COLGALT2: variants seen among roughly 807,000 people sequenced by gnomAD.
The protein encoded by COLGALT2 is collagen beta(1-O)galactosyltransferase 2, also known as procollagen galactosyltransferase 2.
In COLGALT2, 49 loss-of-function variants were observed where a neutral mutation model predicts 73.4. The ratio of observed to expected loss-of-function variants is 0.67; its 90% confidence interval spans 0.53 to 0.85. The LOEUF (loss-of-function observed/expected upper bound fraction) is 0.85. Ranked by LOEUF, COLGALT2 falls within the 40% of genes least tolerant of loss-of-function variation. COLGALT2 has a pLI of 0.00. For synonymous variants in COLGALT2, 295 were observed against 307.6 expected (o/e 0.96, Z 0.43); for missense variants, 722 against 790.2 (o/e 0.91, Z 1.03).
At chr1:183,978,767 T>C (rs1671275706) in intron 1 of COLGALT2, among the ~76,000 whole-genome samples, 1 of 152,188 alleles carries the variant, frequency 6.6e-6, no homozygotes, top group Admixed American at 6.5e-5. Flanking sequence ...GTGTAAATGG[T>C]TGCATTAATA....
intron 6 of COLGALT2, among the ~76,000 whole-genome samples, chr1:183,961,548 T>C (rs540960032): frequency 1.3e-5 from 2 of 152,310 alleles, no homozygotes; most frequent in African/African-American, 4.8e-5. Flanking sequence ...TTTATGGAGT[T>C]GATATAGTCT....
At chr1:183,990,468 C>T (rs1378767214) in intron 1 of COLGALT2, among the ~76,000 whole-genome samples, 1 of 152,176 alleles carries the variant, frequency 6.6e-6, no homozygotes, top group Non-Finnish European at 1.5e-5. Context: ...CAGTTTCTCA[C>T]AGATGGACAG....
chr1:184,025,791 T>C (rs971701668), intron 1 of COLGALT2, among the ~76,000 whole-genome samples: 9 of 150,618 alleles, frequency 6.0e-5, no homozygotes, highest in Non-Finnish European at 1.2e-4. Context: ...TAGAAAAGGA[T>C]TTTTTAAAGC....
At chr1:183,942,433 T>C (rs1398959621) in intron 10 of COLGALT2, among the ~76,000 whole-genome samples, 1 of 152,234 alleles carries the variant, frequency 6.6e-6, no homozygotes, top group Non-Finnish European at 1.5e-5. Flanking sequence ...TTAAATAAAA[T>C]GTATTAAAAC....
chr1:183,938,822 T>C lies in COLGALT2; in HGVS notation c.1820A>G (p.Asn607Ser). ...GGTTGGCGGTGGCAGGGCCTCTGTG[T>C]TCTTGGCATTGCTGTAGATGCGGCT... ...KQSRIYSNAK[N>S]TEALPPPTSL... Residue 607 changes from asparagine (N) to serine (S), a missense_variant, in exon 12 of 12, where the codon AAC (asparagine) becomes AGC (serine). Physicochemically the swap from Asn to Ser is conservative, Grantham distance 46. Transcript: ENST00000361927. The C allele has an allele frequency of 6.2e-7, 1 of 1,614,134 alleles. No individual in the cohort carries two copies. The highest frequency in any genetic ancestry group is 8.5e-7 in the Non-Finnish European group (1 of 1,180,016).
intron 10 of COLGALT2, among the ~76,000 whole-genome samples, chr1:183,943,879 G>C (rs574514680): frequency 1.8e-4 from 27 of 152,276 alleles, no homozygotes; most frequent in Non-Finnish European, 3.2e-4. Context: ...CACGTTAATT[G>C]AGGGTGGGAT....
At chr1:183,931,801 A>AG (rs1669851396), downstream of COLGALT2, among the ~76,000 whole-genome samples, 1 of 151,846 alleles carries the variant, frequency 6.6e-6, no homozygotes, top group African/African-American at 2.4e-5. Context: ...CAAGTTAAAA[A>AG]AAAAAAAAAA....
intron 7 of COLGALT2, among the ~76,000 whole-genome samples, chr1:183,952,255 A>T (rs980223689): frequency 2.0e-5 from 3 of 152,202 alleles, no homozygotes; most frequent in Admixed American, 2.0e-4. Flanking sequence ...GCCAGTGAGA[A>T]ATGAGGATGA....
At chr1:184,021,489 T>C (rs1649180885) in intron 1 of COLGALT2, among the ~76,000 whole-genome samples, 1 of 152,068 alleles carries the variant, frequency 6.6e-6, no homozygotes, top group African/African-American at 2.4e-5. Flanking sequence ...AAGGACAAGT[T>C]TGGCCTCTCT....
chr1:184,035,832 A>T (rs1476635754), intron 1 of COLGALT2, among the ~76,000 whole-genome samples: 1 of 152,198 alleles, frequency 6.6e-6, no homozygotes, highest in Non-Finnish European at 1.5e-5. Flanking sequence ...CTCTCTTTCC[A>T]CATAATATGC....
chr1:183,937,327 ATAAAC>A lies in COLGALT2; in HGVS notation c.*1429_*1433del. 2 of 1,050,696 alleles carry A rather than the reference ATAAAC, an allele frequency of 1.9e-6. No individual in the cohort carries two copies. Among genetic ancestry groups the A allele is most frequent in the Non-Finnish European group, 2.3e-6 (2 of 873,116 alleles). The allele number at this position is 1,050,696 out of a possible 1,614,324, so 65.1% of individuals were successfully genotyped here. Reference sequence around the variant, plus strand: ...ATTTACAGATTGAGGGCATGAGAACATAAACTTGAGGGAAACCACCATGATCTATA... The same window carrying A: ...ATTTACAGATTGAGGGCATGAGAACATTGAGGGAAACCACCATGATCTATA... On this transcript the variant is annotated 3_prime_UTR_variant, in exon 12 of 12. Transcript: ENST00000361927.
chr1:184,023,381 TATA>T lies in COLGALT2; in HGVS notation c.263+13711_263+13713del, dbSNP rs1221057193. 3.3e-5 allele frequency among the ~76,000 whole-genome samples: 5 copies of T among 152,312 alleles called. No individual in the cohort carries two copies. In the South Asian group the frequency reaches 8.3e-4, roughly 25 times the overall value. The stretch of plus-strand genomic sequence containing the variant: ...GCATTGCCAATGTTTAGTATTTCTA[TATA>T]ATGACACTACTGTGAAGTAAAGCCT... On this transcript the variant is annotated intron_variant, in intron 1 of 11. Transcript: ENST00000361927.
chr1:183,949,661 T>C (rs1329580851), intron 8 of COLGALT2, among the ~76,000 whole-genome samples: 1 of 152,244 alleles, frequency 6.6e-6, no homozygotes, highest in Non-Finnish European at 1.5e-5. Flanking sequence ...TCTTCATGGC[T>C]TTGAAATTGA....
chr1:183,942,834 C>T (rs1235524805), intron 10 of COLGALT2, among the ~76,000 whole-genome samples: 5 of 152,188 alleles, frequency 3.3e-5, no homozygotes, highest in African/African-American at 9.7e-5. Context: ...TTGCATCTGT[C>T]GGTACTTTGT....
chr1:183,941,466 T>C (rs1024163008), intron 10 of COLGALT2, among the ~76,000 whole-genome samples: 5 of 152,214 alleles, frequency 3.3e-5, no homozygotes, highest in Admixed American at 1.3e-4. Context: ...CAACACAGGA[T>C]GCACCTTTGG....
intron 1 of COLGALT2, among the ~76,000 whole-genome samples, chr1:183,983,600 G>A (rs12727244): frequency 0.1 from 15,960 of 152,230 alleles, 973 homozygotes; most frequent in Admixed American, 0.18. Flanking sequence ...GCACAAGGCA[G>A]CAACAGCGCA....
In COLGALT2 at chr1:183,937,895, A is replaced by G; in HGVS notation, c.*866T>C. On this transcript the variant is annotated 3_prime_UTR_variant, in exon 12 of 12. Coordinates refer to ENST00000361927, the MANE Select transcript of COLGALT2 (RefSeq NM_015101.4). ...TCCCAGGCTAAGGGGTGGAGCGGAG[A>G]GCGTGAAGCTCTGTAGCAGCGCGCA... 4 of 985,424 alleles carry G rather than the reference A, an allele frequency of 4.1e-6. No homozygotes were observed. The highest frequency in any genetic ancestry group is 4.8e-6 in the Non-Finnish European group (4 of 829,950). The allele number at this position is 985,424 out of a possible 1,614,324, so 61.0% of individuals were successfully genotyped here.
At chr1:184,017,762 C>T (rs778823352) in intron 1 of COLGALT2, among the ~76,000 whole-genome samples, 13 of 152,126 alleles carry the variant, frequency 8.5e-5, no homozygotes, top group Admixed American at 2.6e-4. Flanking sequence ...GCTTCATTAG[C>T]ATCACAGTTA....
chr1:183,946,831 A>G (rs551622014), intron 8 of COLGALT2, among the ~76,000 whole-genome samples: 1 of 152,296 alleles, frequency 6.6e-6, no homozygotes, highest in East Asian at 1.9e-4. Context: ...GGAGATCGAG[A>G]CCATCCTGGC....
Sources: gnomAD v4.1 joint callset for allele counts (sites outside exome capture counted in the v4.1 genomes callset) on GRCh38, gnomAD v4.1.1 for gene constraint, MANE v1.5 for transcripts, NCBI Gene and HGNC (gene_info 2026-07-23, HGNC 2026-07-21) for gene names.